SHLD2: variants seen among roughly 807,000 people sequenced by gnomAD.
SHLD2 encodes shieldin complex subunit 2, also known as RINN1-REV7-interacting novel NHEJ regulator 2.
Under a neutral mutation model 73.2 loss-of-function variants are expected in SHLD2, and 30 were observed. The observed-to-expected ratio is 0.41, with a 90% CI of 0.31 to 0.56. SHLD2 has a LOEUF of 0.56. SHLD2 is among the 20% of genes least tolerant of loss of function. The pLI, the probability that SHLD2 is intolerant of heterozygous loss-of-function variation, is 0.28. For missense variants in SHLD2, 745 were observed against 1,055.9 expected (o/e 0.71, Z 4.08); for synonymous variants, 285 against 370.1 (o/e 0.77, Z 2.64).
At chr10:87,153,377 G>A (rs911593640) in intron 3 of SHLD2, among the ~76,000 whole-genome samples, 1 of 152,212 alleles carries the variant, frequency 6.6e-6, no homozygotes, top group African/African-American at 2.4e-5. Flanking sequence ...CTGCACTCCA[G>A]CCCGAGCAAC....
intron 6 of SHLD2, among the ~76,000 whole-genome samples, chr10:87,172,538 T>G (rs912170857): frequency 3.9e-5 from 6 of 152,084 alleles, no homozygotes; most frequent in Non-Finnish European, 5.9e-5. Flanking sequence ...TAATGTATTA[T>G]TTAGTTTAAA....
At chr10:87,122,173 C>CAAAAAAAAAAA (rs10706744) in intron 2 of SHLD2, among the ~76,000 whole-genome samples, 16 of 86,410 alleles carry the variant, frequency 1.9e-4, no homozygotes, top group African/African-American at 7.0e-4. Context: ...CACTGACTGT[C>CAAAAAAAAAAA]AAAAAAAAAA....
At chr10:87,159,188 A>C (rs1846641281) in intron 4 of SHLD2, among the ~76,000 whole-genome samples, 2 of 152,204 alleles carry the variant, frequency 1.3e-5, no homozygotes, top group Non-Finnish European at 2.9e-5. Flanking sequence ...CCAATCTTTG[A>C]ATTCTTAAAG....
At chr10:87,177,122 GCTT>G (rs1431177396) in intron 7 of SHLD2, among the ~76,000 whole-genome samples, 1 of 151,662 alleles carries the variant, frequency 6.6e-6, no homozygotes, top group Non-Finnish European at 1.5e-5. Context: ...CCCGTGCTCT[GCTT>G]CTCCAACTTC....
intron 9 of SHLD2, among the ~76,000 whole-genome samples, chr10:87,189,856 T>A (rs1848922081): frequency 6.6e-6 from 1 of 152,186 alleles, no homozygotes; most frequent in Non-Finnish European, 1.5e-5. Context: ...AAAAAATGAA[T>A]ATATGCATAA....
intron 6 of SHLD2, among the ~76,000 whole-genome samples, chr10:87,172,584 T>A (rs1292873436): frequency 6.6e-6 from 1 of 152,106 alleles, no homozygotes; most frequent in Non-Finnish European, 1.5e-5. Flanking sequence ...GGCTCACTCC[T>A]GTTAACCCAG....
intron 2 of SHLD2, among the ~76,000 whole-genome samples, chr10:87,143,855 ATTCTTTCTTTTTTTTTTTTTTT>A (rs1388668714): frequency 3.3e-5 from 4 of 119,926 alleles, no homozygotes; most frequent in Non-Finnish European, 6.9e-5. Flanking sequence ...TATTCTTTTT[ATTCTTTCTTTTTTTTTTTTTTT>A]TTTTGTGACG....
At chr10:87,150,427 T>C (rs1281462099) in intron 2 of SHLD2, among the ~76,000 whole-genome samples, 2 of 152,004 alleles carry the variant, frequency 1.3e-5, no homozygotes, top group African/African-American at 4.8e-5. Flanking sequence ...TCCCATTCTT[T>C]ACTAACTTGT....
Position 87,095,222 on chromosome 10 carries a change from C to T in SHLD2, c.-88C>T, listed in dbSNP as rs1199140709. On this transcript the variant is annotated 5_prime_UTR_variant, in exon 1 of 10. Coordinates refer to ENST00000298786, the MANE Select transcript of SHLD2 (RefSeq NM_001330112.2). ...CGGGCGGCCGGATTTGCCCGGAGGC[C>T]GCACCCGCCTCCGGCGGGGCTCTCA... 6.9e-6 allele frequency: 1 copy of T among 144,540 alleles called. No individual in the cohort carries two copies. Among genetic ancestry groups the T allele is most frequent in the Non-Finnish European group, 1.5e-5 (1 of 65,728 alleles). The allele number at this position is 144,540 out of a possible 1,614,324, so 9.0% of individuals were successfully genotyped here. A position where few individuals can be genotyped will look rare whatever the true frequency, so the allele number is the denominator to read the frequency against.
intron 2 of SHLD2, among the ~76,000 whole-genome samples, chr10:87,125,290 T>C (rs1843912999): frequency 6.6e-6 from 1 of 152,230 alleles, no homozygotes; most frequent in Non-Finnish European, 1.5e-5. Context: ...TTTATTCCCT[T>C]AGGTATATAT....
chr10:87,165,751 T>G (rs1192810492), intron 4 of SHLD2, among the ~76,000 whole-genome samples: 1 of 152,190 alleles, frequency 6.6e-6, no homozygotes, highest in East Asian at 1.9e-4. Flanking sequence ...TTGATAAAAT[T>G]TAAATAACAT....
intron 2 of SHLD2, among the ~76,000 whole-genome samples, chr10:87,143,064 G>C (rs1016498266): frequency 4.6e-5 from 7 of 151,080 alleles, no homozygotes; most frequent in Non-Finnish European, 1.0e-4. Context: ...TGAGTAGCTG[G>C]GACTACAGGC....
intron 2 of SHLD2, among the ~76,000 whole-genome samples, chr10:87,144,828 A>G (rs3129360): frequency 2.8e-4 from 42 of 148,376 alleles, no homozygotes; most frequent in Middle Eastern, 3.8e-3. Flanking sequence ...GGGTTTCACC[A>G]TGTTAGCCAG....
At chr10:87,116,116 A>G (rs893698757) in intron 2 of SHLD2, among the ~76,000 whole-genome samples, 6 of 152,208 alleles carry the variant, frequency 3.9e-5, no homozygotes, top group African/African-American at 7.2e-5. Context: ...GCTGATTGCC[A>G]CCTTCTGTAG....
chr10:87,175,267 A>C (rs1847880437), intron 6 of SHLD2, among the ~76,000 whole-genome samples: 2 of 152,236 alleles, frequency 1.3e-5, no homozygotes, highest in South Asian at 4.1e-4. Context: ...CCTTTCTTTA[A>C]CAAAACAAAA....
At chr10:87,119,816 G>A (rs1843482413) in intron 2 of SHLD2, among the ~76,000 whole-genome samples, 1 of 151,262 alleles carries the variant, frequency 6.6e-6, no homozygotes, top group African/African-American at 2.4e-5. Flanking sequence ...GGACAGAATT[G>A]CTTATATTTT....
intron 6 of SHLD2, among the ~76,000 whole-genome samples, chr10:87,173,956 A>G (rs2134621755): frequency 6.6e-6 from 1 of 152,302 alleles, no homozygotes; most frequent in East Asian, 1.9e-4. Context: ...AGAAATTGAT[A>G]GAGAAGATAT....
intron 2 of SHLD2, among the ~76,000 whole-genome samples, chr10:87,099,116 G>A (rs181086992): frequency 3.9e-5 from 6 of 152,232 alleles, no homozygotes; most frequent in Admixed American, 6.5e-5. Context: ...CCATTCAAAC[G>A]AAGACCAAAA....
chr10:87,124,413 T>G (rs1167944048), intron 2 of SHLD2, among the ~76,000 whole-genome samples: 2 of 151,886 alleles, frequency 1.3e-5, no homozygotes, highest in Non-Finnish European at 2.9e-5. Flanking sequence ...AGGCGCACCT[T>G]TGGTCCCAAC....
Sources: allele counts gnomAD v4.1 joint callset (sites outside exome capture counted in the v4.1 genomes callset), GRCh38; gene constraint gnomAD v4.1.1; transcripts MANE v1.5; gene names NCBI Gene and HGNC (gene_info 2026-07-23, HGNC 2026-07-21).